DNAJC6: variants seen among roughly 807,000 people sequenced by gnomAD.
The protein encoded by DNAJC6 is DnaJ heat shock protein family (Hsp40) member C6.
A neutral mutation model predicts 110.0 loss-of-function variants in DNAJC6; 34 were observed. The observed-to-expected ratio is 0.31, with a 90% CI of 0.24 to 0.41. DNAJC6 has a LOEUF of 0.41. DNAJC6 is among the 10% of genes least tolerant of loss of function. DNAJC6 has a pLI of 1.00. For synonymous variants in DNAJC6, 406 were observed against 437.2 expected (o/e 0.93, Z 0.89); for missense variants, 1,031 against 1,207.8 (o/e 0.85, Z 2.17).
intron 4 of DNAJC6, among the ~76,000 whole-genome samples, chr1:65,374,304 T>A (rs924467780): frequency 9.9e-5 from 15 of 152,190 alleles, no homozygotes; most frequent in Admixed American, 7.2e-4. Context: ...GGTTTTTTTT[T>A]ATTTCTGTGA....
chr1:65,337,549 GT>G (rs1456384299), intron 1 of DNAJC6, among the ~76,000 whole-genome samples: 2 of 151,814 alleles, frequency 1.3e-5, no homozygotes, highest in Non-Finnish European at 2.9e-5. Flanking sequence ...ACACATTCAT[GT>G]TTCAGTCCAC....
At chr1:65,363,424 GAGAC>G (rs72126160) in intron 1 of DNAJC6, among the ~76,000 whole-genome samples, 65,670 of 150,364 alleles carry the variant, frequency 0.44, 14,778 homozygotes, top group Non-Finnish European at 0.52. Context: ...GAGAGAGAGA[GAGAC>G]AGAGAAAGAG....
intron 1 of DNAJC6, among the ~76,000 whole-genome samples, chr1:65,291,631 G>T (rs1169870071): frequency 6.6e-6 from 1 of 152,146 alleles, no homozygotes; most frequent in Non-Finnish European, 1.5e-5. Flanking sequence ...AAAAATCCAG[G>T]TTTTACTGGG....
chr1:65,309,815 A>G lies in DNAJC6; in HGVS notation c.70A>G (p.Ser24Gly), dbSNP rs1570259055. The change falls in exon 1 of 19, where the codon AGT becomes GGT. Residue 24 changes from serine to glycine, a missense_variant. By Grantham distance (56) the Ser-to-Gly change is moderately conservative. Coordinates refer to ENST00000371069, the MANE Select transcript of DNAJC6 (RefSeq NM_001256864.2). ...DGYESLQLVD[S>G]NGDLSAGSGG... ...TTATGAATCTTTGCAGCTGGTGGACAGTAACGGGGACTTAAGTGCGGGAAG... is the reference window on the plus strand; with the variant it reads ...TTATGAATCTTTGCAGCTGGTGGACGGTAACGGGGACTTAAGTGCGGGAAG... The G allele has an allele frequency of 1.3e-6, 2 of 1,549,616 alleles. No homozygotes were observed. The highest frequency in any genetic ancestry group is 2.5e-5 in the East Asian group (1 of 40,790).
At chr1:65,288,868 A>G (rs1389861435) in intron 1 of DNAJC6, among the ~76,000 whole-genome samples, 1 of 152,150 alleles carries the variant, frequency 6.6e-6, no homozygotes, top group African/African-American at 2.4e-5. Flanking sequence ...ATTCCTATAT[A>G]GTATTCCATT....
At chr1:65,345,229 CGTGTGTGTGTGTGTGTGTGT>C (rs55934054) in intron 1 of DNAJC6, among the ~76,000 whole-genome samples, 1 of 143,844 alleles carries the variant, frequency 7.0e-6, no homozygotes, top group Non-Finnish European at 1.5e-5. Context: ...CTCTCCCTTT[CGTGTGTGTGTGTGTGTGTGT>C]GTGTGTGTGT....
At chr1:65,283,155 C>T (rs2101194549) in intron 1 of DNAJC6, among the ~76,000 whole-genome samples, 1 of 152,270 alleles carries the variant, frequency 6.6e-6, no homozygotes, top group South Asian at 2.1e-4. Flanking sequence ...TCACCAGTCA[C>T]ACATGCACTA....
chr1:65,361,544 A>C (rs1645597682), intron 1 of DNAJC6, among the ~76,000 whole-genome samples: 1 of 152,230 alleles, frequency 6.6e-6, no homozygotes, highest in Non-Finnish European at 1.5e-5. Context: ...AGTAAAAGAT[A>C]CTTCACCTCA....
rs1398387117 is a variant in DNAJC6, at chr1:65,348,986, AAATATATATG to A, written c.194-15648_194-15639del. Among the ~76,000 whole-genome samples the A allele has an allele frequency of 2.1e-4, 30 of 145,778 alleles. No individual in the cohort carries two copies. In the South Asian group the frequency reaches 2.3e-3, roughly 11 times the overall value. ...TATATAAATATATATGTAAATATAT[AAATATATATG>A]TAAATATATATAAGTATATGTGAAT... On this transcript the variant is annotated intron_variant, in intron 1 of 18. Transcript: ENST00000371069.
At chr1:65,328,934 C>A (rs903065035) in intron 1 of DNAJC6, among the ~76,000 whole-genome samples, 17 of 152,222 alleles carry the variant, frequency 1.1e-4, no homozygotes, top group African/African-American at 4.1e-4. Context: ...ACTGGAAACT[C>A]TTGTCTGACC....
intron 16 of DNAJC6, 145 bp from the exon 17 acceptor site, chr1:65,408,496 C>A: frequency 1.2e-6 from 1 of 850,342 alleles, no homozygotes; most frequent in East Asian, 2.5e-5. Context: ...CAGTCTCTTA[C>A]CCTACTCACA....
chr1:65,274,252 A>G (rs911678974), intron 1 of DNAJC6, among the ~76,000 whole-genome samples: 4 of 151,908 alleles, frequency 2.6e-5, no homozygotes, highest in South Asian at 2.1e-4. Flanking sequence ...AGCTATACCA[A>G]CTTTCTTTGT....
chr1:65,316,922 T>C lies in DNAJC6; in HGVS notation c.193+6984T>C, dbSNP rs528520815. Among the ~76,000 whole-genome samples, 467 of 109,322 alleles carry C rather than the reference T, an allele frequency of 4.3e-3. 1 individual carries two copies. Among genetic ancestry groups the C allele is most frequent in the African/African-American group, 0.014 (449 of 32,996 alleles). The allele number at this position is 109,322 out of a possible 152,430, so 71.7% of individuals were successfully genotyped here. On this transcript the variant is annotated intron_variant, in intron 1 of 18. Transcript: ENST00000371069. ...TCTACTGTATGATTCATCATAAAGG[T>C]CACTTTTTTTTTTTTAGCCAAAAAA...
At position 65,413,731 on chromosome 1, in the gene DNAJC6, G is replaced by C. The variant is rs1361223501; in HGVS notation, c.*706G>C. The C allele has an allele frequency of 1.3e-5, 2 of 152,130 alleles. No individual in the cohort carries two copies. Among genetic ancestry groups the C allele is most frequent in the Non-Finnish European group, 1.5e-5 (1 of 68,030 alleles). 9.4% of individuals were successfully genotyped at this position (152,130 alleles called of 1,614,324 possible). On this transcript the variant is annotated 3_prime_UTR_variant, in exon 19 of 19. Transcript: ENST00000371069. ...TGAAGATGTCGAAATCTTTATTCCT[G>C]GTTAGGAAGGTGGGCCGCTACCCTT... is the stretch of plus-strand genomic sequence containing the variant.
rs1267374538 is a variant in DNAJC6 at position 65,414,900 on chromosome 1, G to A, written c.*1875G>A. 3 of 152,690 alleles carry A rather than the reference G, an allele frequency of 2.0e-5. No homozygotes were observed. The highest frequency in any genetic ancestry group is 1.9e-4 in the East Asian group (1 of 5,194). The allele number at this position is 152,690 out of a possible 1,614,324, so 9.5% of individuals were successfully genotyped here. On this transcript the variant is annotated 3_prime_UTR_variant, in exon 19 of 19. Transcript: ENST00000371069. ...TAAAAGGATATTCTGTGGATGTCAC[G>A]TATTTTGAAATGATAGAACTACATT... is the stretch of plus-strand genomic sequence containing the variant.
In DNAJC6 at chr1:65,414,754, T is replaced by C. The variant is rs1410299049; in HGVS notation, c.*1729T>C. 5 of 152,704 alleles carry C rather than the reference T, an allele frequency of 3.3e-5. No individual in the cohort carries two copies. Among genetic ancestry groups the C allele is most frequent in the African/African-American group, 1.2e-4 (5 of 41,474 alleles). The allele number at this position is 152,704 out of a possible 1,614,324, so 9.5% of individuals were successfully genotyped here. A position where few individuals can be genotyped will look rare whatever the true frequency, so the allele number is the denominator to read the frequency against. ...TATTAACGTATTATAAAATAATGTT[T>C]GATCCAGTATGTGCTTGTCTTATTT... On this transcript the variant is annotated 3_prime_UTR_variant, in exon 19 of 19. Coordinates refer to ENST00000371069, the MANE Select transcript of DNAJC6 (RefSeq NM_001256864.2).
At chr1:65,388,501 C>T in intron 9 of DNAJC6, 86 bp downstream of exon 9, 1 of 1,236,582 alleles carries the variant, frequency 8.1e-7, no homozygotes, top group Non-Finnish European at 1.2e-6. Flanking sequence ...GTAGCATACC[C>T]TGGAATCCTG....
chr1:65,309,612 CT>C lies in DNAJC6; in HGVS notation c.-130del. 1 of 1,311,672 alleles carries C rather than the reference CT, an allele frequency of 7.6e-7. No individual in the cohort carries two copies. The highest frequency in any genetic ancestry group is 9.7e-7 in the Non-Finnish European group (1 of 1,031,654). 81.3% of individuals were successfully genotyped at this position (1,311,672 alleles called of 1,614,324 possible). ...AGCTTCTCTCCGGTGGCCGCTCCTT[CT>C]TTTCCCTCCTCTTTGCGTCATGTCG... On this transcript the variant is annotated 5_prime_UTR_variant, in exon 1 of 19. Transcript: ENST00000371069.
At chr1:65,301,448 C>A (rs931057263) in intron 1 of DNAJC6, among the ~76,000 whole-genome samples, 4 of 152,130 alleles carry the variant, frequency 2.6e-5, no homozygotes, top group Non-Finnish European at 5.9e-5. Context: ...ACTGCTCCCC[C>A]AACCTACCAC....
Sources: gnomAD v4.1 joint callset for allele counts (sites outside exome capture counted in the v4.1 genomes callset) on GRCh38, gnomAD v4.1.1 for gene constraint, MANE v1.5 for transcripts, NCBI Gene and HGNC (gene_info 2026-07-23, HGNC 2026-07-21) for gene names.